WDR41: variants seen among roughly 807,000 people sequenced by gnomAD.
WDR41 encodes WD repeat domain 41.
In WDR41, 63 loss-of-function variants were observed where a neutral mutation model predicts 69.3. That is an observed-to-expected ratio of 0.91 (90% CI 0.74 to 1.12). The LOEUF (loss-of-function observed/expected upper bound fraction) is 1.12. WDR41 is among the 50% of genes most tolerant of loss of function. The probability of loss-of-function intolerance (pLI) is 0.00; values close to 1 mark genes in which losing one functional copy is unlikely to be tolerated. For missense variants in WDR41, 543 were observed against 534.5 expected, an observed-to-expected ratio of 1.02 and a Z score of -0.16; for synonymous variants, 185 against 192.1, an observed-to-expected ratio of 0.96 and a Z score of 0.31.
At chr5:77,508,811 G>A (rs958050406) in intron 1 of WDR41, among the ~76,000 whole-genome samples, 8 of 102,432 alleles carry the variant, frequency 7.8e-5, no homozygotes, top group African/African-American at 2.1e-4. Context: ...CCCCCACAGC[G>A]TGAAGCTTCT....
chr5:77,592,427 T>G (rs115204165), intron 1 of WDR41, among the ~76,000 whole-genome samples: 1,910 of 152,288 alleles, frequency 0.013, 26 homozygotes, highest in African/African-American at 0.035. Context: ...TTTTAGATAG[T>G]CAAGAATTTA....
At chr5:77,468,681 T>G (rs1800414484) in intron 2 of WDR41, among the ~76,000 whole-genome samples, 1 of 152,148 alleles carries the variant, frequency 6.6e-6, no homozygotes, top group Non-Finnish European at 1.5e-5. Flanking sequence ...CTTCCTGTAT[T>G]CAATGTCTAC....
Position 77,541,997 on chromosome 5 carries a change from A to C in WDR41, c.43-52425T>G, listed in dbSNP as rs577996167. Among the ~76,000 whole-genome samples, 24 of 152,326 alleles carry C rather than the reference A, an allele frequency of 1.6e-4. No individual in the cohort carries two copies. The South Asian group carries it at 5.0e-3, about 32-fold the overall frequency. On this transcript the variant is annotated intron_variant, in intron 1 of 5. Transcript: ENST00000509971. ...TATGTTCATTGCAGCACTATTCACAATAGCAAAGACATGGAATCAGCCTAA... is the reference window on the plus strand; with the variant it reads ...TATGTTCATTGCAGCACTATTCACACTAGCAAAGACATGGAATCAGCCTAA...
chr5:77,524,569 G>C (rs1366887060), intron 1 of WDR41, among the ~76,000 whole-genome samples: 1 of 152,088 alleles, frequency 6.6e-6, no homozygotes, highest in African/African-American at 2.4e-5. Flanking sequence ...TTCAGCCTGG[G>C]TGACAGAGCC....
intron 1 of WDR41, chr5:77,583,189 T>TAA: frequency 1.1e-4 from 69 of 644,056 alleles, no homozygotes; most frequent in Non-Finnish European, 1.4e-4. Flanking sequence ...CAAATTGAAA[T>TAA]AAAAAAAAAA....
intron 1 of WDR41, among the ~76,000 whole-genome samples, chr5:77,569,189 C>G (rs1177298393): frequency 6.6e-6 from 1 of 152,062 alleles, no homozygotes; most frequent in Non-Finnish European, 1.5e-5. Flanking sequence ...TCATTAAAAT[C>G]ATTAGCAATG....
chr5:77,572,079 A>G (rs1417325873), intron 1 of WDR41, among the ~76,000 whole-genome samples: 1 of 152,118 alleles, frequency 6.6e-6, no homozygotes, highest in Non-Finnish European at 1.5e-5. Context: ...AAACCAAAGA[A>G]TATGAAAGGG....
chr5:77,527,538 C>T (rs1257543694), intron 1 of WDR41, among the ~76,000 whole-genome samples: 1 of 151,772 alleles, frequency 6.6e-6, no homozygotes, highest in African/African-American at 2.4e-5. Context: ...AACCTACAAT[C>T]ATGAATAGAA....
At chr5:77,504,904 C>G (rs1483404188) in intron 1 of WDR41, among the ~76,000 whole-genome samples, 2 of 152,128 alleles carry the variant, frequency 1.3e-5, no homozygotes, top group African/African-American at 4.8e-5. Context: ...TATGACAAAT[C>G]CACAGCCAAT....
chr5:77,600,924 T>G (rs972299671), intron 1 of WDR41, among the ~76,000 whole-genome samples: 2 of 131,952 alleles, frequency 1.5e-5, no homozygotes, highest in Admixed American at 1.6e-4. Context: ...TCTAACTCTG[T>G]GTGTATGTGT....
At chr5:77,515,845 A>G (rs1802283642) in intron 1 of WDR41, among the ~76,000 whole-genome samples, 1 of 152,226 alleles carries the variant, frequency 6.6e-6, no homozygotes, top group South Asian at 2.1e-4. Flanking sequence ...GTAAATAAAT[A>G]ACCCTCATTT....
chr5:77,599,489 C>A (rs573345868), intron 1 of WDR41, among the ~76,000 whole-genome samples: 30 of 152,022 alleles, frequency 2.0e-4, no homozygotes, highest in Non-Finnish European at 7.4e-5. Context: ...CATGAGTCAC[C>A]ACACCCTGCC....
chr5:77,440,048 GATC>G (rs1561727754), intron 9 of WDR41, among the ~76,000 whole-genome samples: 1 of 151,998 alleles, frequency 6.6e-6, no homozygotes, highest in Non-Finnish European at 1.5e-5. Context: ...AAGAAAAATG[GATC>G]ATATTCTCCC....
intron 1 of WDR41, among the ~76,000 whole-genome samples, chr5:77,588,015 T>A (rs888770133): frequency 6.6e-6 from 1 of 152,218 alleles, no homozygotes; most frequent in African/African-American, 2.4e-5. Flanking sequence ...TATGTGGTAC[T>A]TGATGACAGA....
At chr5:77,502,777 G>A (rs955426738) in intron 1 of WDR41, among the ~76,000 whole-genome samples, 7 of 152,158 alleles carry the variant, frequency 4.6e-5, no homozygotes, top group Non-Finnish European at 1.0e-4. Context: ...AGCTTCATAA[G>A]TGAAGGAGAA....
intron 1 of WDR41, among the ~76,000 whole-genome samples, chr5:77,617,545 A>C (rs1203869857): frequency 1.3e-5 from 2 of 152,226 alleles, no homozygotes; most frequent in African/African-American, 2.4e-5. Flanking sequence ...AAATCAGAGA[A>C]AGCTATAAAC....
At chr5:77,460,302 T>C (rs1324429911) in intron 4 of WDR41, among the ~76,000 whole-genome samples, 1 of 152,212 alleles carries the variant, frequency 6.6e-6, no homozygotes, top group Non-Finnish European at 1.5e-5. Flanking sequence ...TAGATGGAGC[T>C]AGATTATCAT....
At position 77,432,108 on chromosome 5, in the gene WDR41, G is replaced by A. The variant is rs551078039; in HGVS notation, c.*1027C>T. ...AAGAACTTATGGAGATTCCCTTTAGGGTATATTTGTAGTATATTTGTATAA... is the reference window on the plus strand; with the variant it reads ...AAGAACTTATGGAGATTCCCTTTAGAGTATATTTGTAGTATATTTGTATAA... On this transcript the variant is annotated 3_prime_UTR_variant, in exon 13 of 13. Coordinates refer to ENST00000296679, the MANE Select transcript of WDR41 (RefSeq NM_018268.4). The A allele has an allele frequency of 4.9e-4, 74 of 151,888 alleles. No homozygotes were observed. Among genetic ancestry groups the A allele is most frequent in the African/African-American group, 1.7e-3 (72 of 41,420 alleles). The allele number at this position is 151,888 out of a possible 1,614,324, so 9.4% of individuals were successfully genotyped here. A position where few individuals can be genotyped will look rare whatever the true frequency, so the allele number is the denominator to read the frequency against.
intron 1 of WDR41, among the ~76,000 whole-genome samples, chr5:77,578,685 A>C (rs1256991372): frequency 6.6e-6 from 1 of 151,994 alleles, no homozygotes; most frequent in Admixed American, 6.6e-5. Flanking sequence ...CCAACATGGC[A>C]AAACCCTGTC....
Sources: gnomAD v4.1 joint callset for allele counts (sites outside exome capture counted in the v4.1 genomes callset) on GRCh38, gnomAD v4.1.1 for gene constraint, MANE v1.5 for transcripts, NCBI Gene and HGNC (gene_info 2026-07-23, HGNC 2026-07-21) for gene names.